ABLIM1: variants seen among roughly 807,000 people sequenced by gnomAD.
The protein encoded by ABLIM1 is actin-binding LIM protein 1.
Under a neutral mutation model 107.0 loss-of-function variants are expected in ABLIM1, and 40 were observed. That is an observed-to-expected ratio of 0.37 (90% CI 0.29 to 0.49). The LOEUF (loss-of-function observed/expected upper bound fraction) is 0.49. Among genes scored for constraint, ABLIM1 ranks in the 20% least tolerant of loss-of-function variants. The pLI is 0.97. For synonymous variants in ABLIM1, 357 were observed against 357.3 expected, an observed-to-expected ratio of 1.00 and a Z score of 0.01; for missense variants, 857 against 1,008.5, an observed-to-expected ratio of 0.85 and a Z score of 2.04.
At chr10:114,593,400 C>T (rs1343143433) in intron 2 of ABLIM1, among the ~76,000 whole-genome samples, 2 of 152,166 alleles carry the variant, frequency 1.3e-5, no homozygotes, top group Non-Finnish European at 2.9e-5. Context: ...AAAAGAATCA[C>T]AGCACAGCAG....
At position 114,483,937 on chromosome 10, in the gene ABLIM1, A is replaced by G. The variant is rs575298848; in HGVS notation, c.1041+4021T>C. Among the ~76,000 whole-genome samples, 3 of 152,290 alleles carry G rather than the reference A, an allele frequency of 2.0e-5. No homozygotes were observed. The South Asian group carries it at 6.2e-4, about 32-fold the overall frequency. ...CGGTCAGGTACACTGTGCATGCAGCATAATCTCCAGCCTGGCTGTTCCTCT... is the reference window on the plus strand; with the variant it reads ...CGGTCAGGTACACTGTGCATGCAGCGTAATCTCCAGCCTGGCTGTTCCTCT... On this transcript the variant is annotated intron_variant, in intron 8 of 22. Coordinates refer to ENST00000533213, the MANE Select transcript of ABLIM1 (RefSeq NM_002313.7).
At chr10:114,775,111 G>A in the ABLIM1 span, among the ~76,000 whole-genome samples, 4 of 152,114 alleles carry the variant, frequency 2.6e-5, no homozygotes, top group African/African-American at 9.7e-5. Flanking sequence ...CATGGTGGCA[G>A]GAGAGGGAAA....
At chr10:114,698,018 CA>C (rs34582021) in intron 1 of ABLIM1, among the ~76,000 whole-genome samples, 71,578 of 151,690 alleles carry the variant, frequency 0.47, 17,706 homozygotes, top group South Asian at 0.6. Context: ...TAATCCCCCA[CA>C]TAGAAATCTC....
At chr10:114,674,724 T>G (rs2080404963) in intron 1 of ABLIM1, among the ~76,000 whole-genome samples, 1 of 146,260 alleles carries the variant, frequency 6.8e-6, no homozygotes, top group Non-Finnish European at 1.5e-5. Context: ...TTTTTTTTTT[T>G]GAGATGGAGT....
chr10:114,632,501 A>G, intron 1 of ABLIM1: 1 of 985,436 alleles, frequency 1.0e-6, no homozygotes, highest in Non-Finnish European at 1.2e-6. Context: ...TAAAACAAAA[A>G]CAGAATAATG....
At chr10:114,647,417 A>G (rs778821187) in intron 1 of ABLIM1, among the ~76,000 whole-genome samples, 4 of 152,214 alleles carry the variant, frequency 2.6e-5, no homozygotes, top group Non-Finnish European at 4.4e-5. Context: ...ATCCAGCTAC[A>G]CACTAGAATC....
chr10:114,583,062 A>G (rs913715791), intron 2 of ABLIM1, among the ~76,000 whole-genome samples: 3 of 152,138 alleles, frequency 2.0e-5, no homozygotes, highest in African/African-American at 7.2e-5. Context: ...AACTATCAAC[A>G]GAGTAAACAG....
At chr10:114,491,279 T>C (rs2058965801) in intron 7 of ABLIM1, among the ~76,000 whole-genome samples, 1 of 151,636 alleles carries the variant, frequency 6.6e-6, no homozygotes, top group African/African-American at 2.4e-5. Flanking sequence ...CTTAATGGGG[T>C]GAAACAAGTC....
In ABLIM1 at chr10:114,448,160, C is replaced by T. The variant is rs1051671249; in HGVS notation, c.1595-140G>A. ...TTCTGTTTATTACCATTATCCATGGCCCAGTCACTCAGAGGTACCTATTGA... is the reference window on the plus strand; with the variant it reads ...TTCTGTTTATTACCATTATCCATGGTCCAGTCACTCAGAGGTACCTATTGA... On this transcript the variant is annotated intron_variant, in intron 14 of 22. Coordinates refer to ENST00000533213, the MANE Select transcript of ABLIM1 (RefSeq NM_002313.7). 4 of 1,055,780 alleles carry T rather than the reference C, an allele frequency of 3.8e-6. No homozygotes were observed. In the Admixed American group the frequency reaches 7.7e-5, roughly 20 times the overall value. The allele number at this position is 1,055,780 out of a possible 1,614,324, so 65.4% of individuals were successfully genotyped here.
At chr10:114,527,034 G>GA (rs1247869402) in intron 6 of ABLIM1, 1 of 932,722 alleles carries the variant, frequency 1.1e-6, no homozygotes, top group African/African-American at 1.8e-5. Flanking sequence ...ATGCAGGTAG[G>GA]AAAGTACCAT....
chr10:114,470,295 T>A (rs1402620540), intron 10 of ABLIM1, among the ~76,000 whole-genome samples: 1 of 151,888 alleles, frequency 6.6e-6, no homozygotes, highest in African/African-American at 2.4e-5. Context: ...TGGTGGCACA[T>A]GCCCGTAGTC....
chr10:114,776,333 G>A, the ABLIM1 span, among the ~76,000 whole-genome samples: 1 of 152,098 alleles, frequency 6.6e-6, no homozygotes, highest in African/African-American at 2.4e-5. Context: ...CGTAGTTTTG[G>A]GCCGGGCGTG....
intron 1 of ABLIM1, among the ~76,000 whole-genome samples, chr10:114,625,290 C>T (rs2077716883): frequency 6.6e-6 from 1 of 152,160 alleles, no homozygotes; most frequent in Non-Finnish European, 1.5e-5. Flanking sequence ...CAGTGAAAAA[C>T]CTACTGTTCT....
rs1459410497 is a variant in ABLIM1 at position 114,678,601 on chromosome 10, G to C, written c.64+5689C>G. 2.0e-5 allele frequency among the ~76,000 whole-genome samples: 3 copies of C among 152,168 alleles called. No individual in the cohort carries two copies. The East Asian group carries it at 5.8e-4, about 29-fold the overall frequency. ...TTTTGTGCTACAATCTCAGACTTGA[G>C]TAGTTGCAGCAGAGACCATTTGGCT... On this transcript the variant is annotated intron_variant, in intron 1 of 23. Coordinates refer to the ABLIM1 transcript ENST00000369256.
intron 1 of ABLIM1, among the ~76,000 whole-genome samples, chr10:114,670,646 C>A (rs895854144): frequency 6.6e-6 from 1 of 152,204 alleles, no homozygotes; most frequent in East Asian, 1.9e-4. Flanking sequence ...GCATGTGCCA[C>A]CACGCCCAGC....
At chr10:114,795,721 A>G in the ABLIM1 span, among the ~76,000 whole-genome samples, 1 of 152,034 alleles carries the variant, frequency 6.6e-6, no homozygotes, top group Non-Finnish European at 1.5e-5. Context: ...AAAAAAAAAA[A>G]AAAGAAATTA....
At chr10:114,493,870 C>T (rs917664893) in intron 6 of ABLIM1, among the ~76,000 whole-genome samples, 1 of 152,228 alleles carries the variant, frequency 6.6e-6, no homozygotes. Context: ...TAAATACCCA[C>T]AGGAATTTTC....
chr10:114,440,197 A>C, intron 19 of ABLIM1, 108 bp from the exon 20 acceptor site: 1 of 1,189,048 alleles, frequency 8.4e-7, no homozygotes, highest in Non-Finnish European at 1.2e-6. Context: ...CGCCCTATAA[A>C]CCATGTTCTT....
chr10:114,543,097 T>G (rs953696470), intron 6 of ABLIM1, among the ~76,000 whole-genome samples: 5 of 152,160 alleles, frequency 3.3e-5, no homozygotes, highest in African/African-American at 1.2e-4. Flanking sequence ...AGTTCTGTAG[T>G]AGCCTCCTAG....
Sources: gnomAD v4.1 joint callset for allele counts (sites outside exome capture counted in the v4.1 genomes callset) on GRCh38, gnomAD v4.1.1 for gene constraint, MANE v1.5 for transcripts, NCBI Gene and HGNC (gene_info 2026-07-23, HGNC 2026-07-21) for gene names.